BCAR3: variants seen among roughly 807,000 people sequenced by gnomAD.
BCAR3 encodes BCAR3 adaptor protein, NSP family member.
In BCAR3, 37 loss-of-function variants were observed where a neutral mutation model predicts 80.1. The observed-to-expected ratio is 0.46, with a 90% CI of 0.36 to 0.61. BCAR3 has a LOEUF of 0.61. Ranked by LOEUF, BCAR3 falls within the 20% of genes least tolerant of loss-of-function variation. The pLI is 0.00. For missense variants in BCAR3, 978 were observed against 1,068.2 expected, an observed-to-expected ratio of 0.92 and a Z score of 1.18; for synonymous variants, 389 against 418.9, an observed-to-expected ratio of 0.93 and a Z score of 0.87.
intron 2 of BCAR3, among the ~76,000 whole-genome samples, chr1:93,768,723 C>A (rs1007588239): frequency 2.0e-5 from 3 of 152,158 alleles, no homozygotes; most frequent in African/African-American, 7.2e-5. Flanking sequence ...GTAGAGATAT[C>A]GCAGGAAGTG....
intron 2 of BCAR3, among the ~76,000 whole-genome samples, chr1:93,645,618 A>T (rs749282263): frequency 6.6e-6 from 1 of 151,122 alleles, no homozygotes; most frequent in Non-Finnish European, 1.5e-5. Flanking sequence ...CTAAAGTACT[A>T]AAGTAAAGCT....
At chr1:93,770,317 C>T (rs1652310859) in intron 2 of BCAR3, among the ~76,000 whole-genome samples, 1 of 152,148 alleles carries the variant, frequency 6.6e-6, no homozygotes, top group Non-Finnish European at 1.5e-5. Flanking sequence ...GCAATGACAG[C>T]TCACGTAGGC....
intron 3 of BCAR3, among the ~76,000 whole-genome samples, chr1:93,615,281 G>C (rs1438296948): frequency 6.6e-6 from 1 of 152,128 alleles, no homozygotes; most frequent in Admixed American, 6.5e-5. Flanking sequence ...TTGGCCTTTG[G>C]ACTAGGTCAA....
At chr1:93,672,256 C>G (rs1648245395) in intron 2 of BCAR3, among the ~76,000 whole-genome samples, 1 of 152,158 alleles carries the variant, frequency 6.6e-6, no homozygotes, top group Admixed American at 6.5e-5. Context: ...AGCTTGACAG[C>G]TTGGACCTTG....
intron 2 of BCAR3, among the ~76,000 whole-genome samples, chr1:93,758,369 T>A (rs569853224): frequency 1.3e-5 from 2 of 152,306 alleles, no homozygotes; most frequent in South Asian, 4.1e-4. Flanking sequence ...AAAGAACAAG[T>A]GTCAGCTGGA....
chr1:93,617,663 C>T (rs1675169936), intron 3 of BCAR3, among the ~76,000 whole-genome samples: 1 of 152,232 alleles, frequency 6.6e-6, no homozygotes, highest in Non-Finnish European at 1.5e-5. Flanking sequence ...CTTTTTGCTT[C>T]CCCTAAACCC....
chr1:93,585,589 T>A (rs910124504), intron 5 of BCAR3, among the ~76,000 whole-genome samples: 5 of 152,222 alleles, frequency 3.3e-5, no homozygotes, highest in Admixed American at 3.3e-4. Context: ...AATTCCCTGC[T>A]TCGACCATTC....
intron 2 of BCAR3, among the ~76,000 whole-genome samples, chr1:93,829,283 G>C (rs1654477804): frequency 6.6e-6 from 1 of 152,030 alleles, no homozygotes; most frequent in Non-Finnish European, 1.5e-5. Flanking sequence ...GCCTCCACCT[G>C]GTGGTGGCTA....
chr1:93,666,736 T>C lies in BCAR3; in HGVS notation c.317+7878A>G, dbSNP rs116619935. On this transcript the variant is annotated intron_variant, in intron 2 of 11. Transcript: ENST00000260502. Reference sequence around the variant, plus strand: ...AGACAGGCTCTGTTTTGTGTATTAGTACGATGGTATGCTGATATTTTAGTG... The same window carrying C: ...AGACAGGCTCTGTTTTGTGTATTAGCACGATGGTATGCTGATATTTTAGTG... 6.4e-3 allele frequency among the ~76,000 whole-genome samples: 979 copies of C among 152,342 alleles called. 13 individuals carry two copies. The highest frequency in any genetic ancestry group is 0.023 in the African/African-American group (936 of 41,562).
At chr1:93,650,102 G>A (rs1676275553) in intron 2 of BCAR3, among the ~76,000 whole-genome samples, 1 of 151,722 alleles carries the variant, frequency 6.6e-6, no homozygotes, top group Non-Finnish European at 1.5e-5. Context: ...TGTAATGTGT[G>A]CGAGTAAGGG....
intron 3 of BCAR3, among the ~76,000 whole-genome samples, chr1:93,629,904 G>A (rs1570986078): frequency 6.6e-6 from 1 of 152,364 alleles, no homozygotes; most frequent in Non-Finnish European, 1.5e-5. Context: ...AGAGAAGGTA[G>A]ACTGAGGTTA....
At chr1:93,735,545 C>T (rs1304385038) in intron 2 of BCAR3, among the ~76,000 whole-genome samples, 2 of 152,238 alleles carry the variant, frequency 1.3e-5, no homozygotes, top group East Asian at 3.8e-4. Flanking sequence ...GAGTTGAGCT[C>T]AGATGCAGCT....
intron 3 of BCAR3, among the ~76,000 whole-genome samples, chr1:93,700,920 T>C (rs1344393108): frequency 5.3e-5 from 8 of 152,198 alleles, no homozygotes; most frequent in Non-Finnish European, 4.4e-5. Context: ...CCTCAGGACC[T>C]AGCGCAGGGC....
At chr1:93,725,771 A>AT (rs1312151668) in intron 2 of BCAR3, among the ~76,000 whole-genome samples, 2 of 152,212 alleles carry the variant, frequency 1.3e-5, no homozygotes, top group East Asian at 3.8e-4. Context: ...AAGAGTTGAT[A>AT]TTTGGGTAGA....
intron 2 of BCAR3, among the ~76,000 whole-genome samples, chr1:93,825,105 T>C (rs1406472079): frequency 7.5e-6 from 1 of 134,116 alleles, no homozygotes; most frequent in African/African-American, 2.5e-5. Context: ...GGGTGACGTA[T>C]AACATTACCT....
intron 9 of BCAR3, chr1:93,568,118 G>A (rs879797156): frequency 1.8e-5 from 6 of 336,726 alleles, no homozygotes; most frequent in East Asian, 7.1e-5. Flanking sequence ...CCTGGGAGGC[G>A]GAGGTTGCAA....
At chr1:93,724,158 A>G (rs1162740742) in intron 2 of BCAR3, among the ~76,000 whole-genome samples, 1 of 152,186 alleles carries the variant, frequency 6.6e-6, no homozygotes, top group Non-Finnish European at 1.5e-5. Context: ...AGTGAAAACA[A>G]GGGGAGCCAC....
intron 2 of BCAR3, among the ~76,000 whole-genome samples, chr1:93,831,555 G>A (rs183784406): frequency 3.7e-4 from 57 of 152,166 alleles, no homozygotes; most frequent in Non-Finnish European, 6.6e-4. Context: ...TTACACATTG[G>A]TCCCTCCCTA....
chr1:93,728,733 G>A (rs1393042853), intron 2 of BCAR3, among the ~76,000 whole-genome samples: 4 of 152,062 alleles, frequency 2.6e-5, no homozygotes, highest in Non-Finnish European at 4.4e-5. Flanking sequence ...TACTTCCCTC[G>A]ACGTCCTCTT....
Sources: allele counts gnomAD v4.1 joint callset (sites outside exome capture counted in the v4.1 genomes callset), GRCh38; gene constraint gnomAD v4.1.1; transcripts MANE v1.5; gene names NCBI Gene and HGNC (gene_info 2026-07-23, HGNC 2026-07-21).